The following PDE1C variants were observed in gnomAD, a reference collection of about 807,000 sequenced individuals.
The protein encoded by PDE1C is phosphodiesterase 1C.
PDE1C carries 62 observed loss-of-function variants against 93.1 expected under a neutral mutation model. The ratio of observed to expected loss-of-function variants is 0.67; its 90% CI spans 0.54 to 0.82. The LOEUF (loss-of-function observed/expected upper bound fraction) is 0.82. PDE1C is among the 40% of genes least tolerant of loss of function. The probability of loss-of-function intolerance (pLI) is 0.00; values close to 1 mark genes in which losing one functional copy is unlikely to be tolerated. For missense variants in PDE1C, 742 were observed against 884.6 expected, an observed-to-expected ratio of 0.84 and a Z score of 2.04; for synonymous variants, 325 against 310.1, an observed-to-expected ratio of 1.05 and a Z score of -0.50.
chr7:32,096,911 G>T (rs1277353154), intron 3 of PDE1C, among the ~76,000 whole-genome samples: 3 of 152,050 alleles, frequency 2.0e-5, no homozygotes, highest in African/African-American at 4.8e-5. Context: ...TAACAAATTG[G>T]TTCAAAGATT....
the PDE1C span, among the ~76,000 whole-genome samples, chr7:31,712,293 A>AATGAATGC: frequency 1.6e-3 from 241 of 152,282 alleles, no homozygotes; most frequent in African/African-American, 5.6e-3. Context: ...TGAGTGAATG[A>AATGAATGC]ATGAATGAAT....
At chr7:31,805,826 C>T (rs907771597) in intron 16 of PDE1C, among the ~76,000 whole-genome samples, 5 of 151,898 alleles carry the variant, frequency 3.3e-5, no homozygotes, top group African/African-American at 1.2e-4. Flanking sequence ...TCTATGCTGC[C>T]TGGAAGTCCT....
intron 17 of PDE1C, among the ~76,000 whole-genome samples, chr7:31,755,175 G>C (rs1173081595): frequency 3.3e-5 from 5 of 152,226 alleles, no homozygotes; most frequent in Admixed American, 2.6e-4. Flanking sequence ...TACGTAAACA[G>C]AGGGTGGATG....
intron 1 of PDE1C, among the ~76,000 whole-genome samples, chr7:32,308,035 C>T (rs1361733585): frequency 1.3e-5 from 2 of 152,340 alleles, no homozygotes; most frequent in East Asian, 1.9e-4. Flanking sequence ...CACCCTAATA[C>T]TGCACTTTTC....
intron 2 of PDE1C, among the ~76,000 whole-genome samples, chr7:31,972,205 T>G (rs1811057352): frequency 6.6e-6 from 1 of 152,216 alleles, no homozygotes; most frequent in South Asian, 2.1e-4. Flanking sequence ...TAACCATTCT[T>G]AAAAGGGAAT....
At chr7:32,368,381 T>C (rs904760112) in intron 1 of PDE1C, among the ~76,000 whole-genome samples, 3 of 151,654 alleles carry the variant, frequency 2.0e-5, no homozygotes, top group Non-Finnish European at 4.4e-5. Flanking sequence ...GAAAAAGAAA[T>C]CGAGAAGACG....
At chr7:32,250,868 A>G (rs533588149) in intron 1 of PDE1C, among the ~76,000 whole-genome samples, 1 of 152,338 alleles carries the variant, frequency 6.6e-6, no homozygotes, top group South Asian at 2.1e-4. Flanking sequence ...TTTGGCTGTA[A>G]CACACCGCAA....
At chr7:31,965,785 G>A (rs948915677) in intron 2 of PDE1C, among the ~76,000 whole-genome samples, 10 of 152,354 alleles carry the variant, frequency 6.6e-5, no homozygotes, top group African/African-American at 2.4e-4. Context: ...CAAGCCAGAA[G>A]AGAGTGGGGG....
At chr7:31,944,257 G>A (rs986887141) in intron 2 of PDE1C, among the ~76,000 whole-genome samples, 4 of 152,212 alleles carry the variant, frequency 2.6e-5, no homozygotes, top group South Asian at 2.1e-4. Context: ...GGTTACATTC[G>A]CACTAGAGCA....
At chr7:32,106,454 TAG>T (rs887035712) in intron 3 of PDE1C, among the ~76,000 whole-genome samples, 1 of 151,894 alleles carries the variant, frequency 6.6e-6, no homozygotes, top group African/African-American at 2.4e-5. Flanking sequence ...GAGACAGAGA[TAG>T]AGAGAAGTGG....
At chr7:32,283,352 T>G (rs1811797870) in intron 1 of PDE1C, among the ~76,000 whole-genome samples, 1 of 152,202 alleles carries the variant, frequency 6.6e-6, no homozygotes, top group Non-Finnish European at 1.5e-5. Context: ...TTTTTTTTGT[T>G]CAGGGAAGAT....
intron 1 of PDE1C, among the ~76,000 whole-genome samples, chr7:32,305,977 C>A (rs866983959): frequency 4.6e-5 from 7 of 152,188 alleles, no homozygotes; most frequent in East Asian, 1.9e-4. Flanking sequence ...GTGGAAGGAA[C>A]CTGGTGGGAG....
chr7:31,747,399 C>T (rs887446754), downstream of PDE1C, among the ~76,000 whole-genome samples: 1 of 152,096 alleles, frequency 6.6e-6, no homozygotes, highest in African/African-American at 2.4e-5. Flanking sequence ...TATTAAAGTG[C>T]CAGGAACCTG....
the PDE1C span, among the ~76,000 whole-genome samples, chr7:31,645,355 T>C: frequency 2.0e-5 from 3 of 152,340 alleles, no homozygotes; most frequent in African/African-American, 7.2e-5. Context: ...ATTTATCAGA[T>C]CATTTTTTAA....
intron 2 of PDE1C, among the ~76,000 whole-genome samples, chr7:31,920,487 TGA>T (rs542762567): frequency 2.0e-3 from 312 of 152,216 alleles, no homozygotes; most frequent in Non-Finnish European, 3.2e-3. Flanking sequence ...AGAACTCTCC[TGA>T]GATAGTAAAA....
chr7:32,354,677 G>A (rs565572851), intron 1 of PDE1C, among the ~76,000 whole-genome samples: 2 of 152,300 alleles, frequency 1.3e-5, no homozygotes, highest in East Asian at 1.9e-4. Flanking sequence ...CTGTCCCAGA[G>A]TTCTGCCTAG....
chr7:31,886,042 T>A (rs797021080), intron 2 of PDE1C, among the ~76,000 whole-genome samples: 4 of 152,316 alleles, frequency 2.6e-5, no homozygotes, highest in African/African-American at 9.6e-5. Context: ...AACCAACAAG[T>A]ACTGCTGTCT....
At chr7:32,190,434 A>G (rs1209437018) in intron 2 of PDE1C, among the ~76,000 whole-genome samples, 1 of 152,224 alleles carries the variant, frequency 6.6e-6, no homozygotes, top group Non-Finnish European at 1.5e-5. Flanking sequence ...TGCTTGGCAC[A>G]CTATTGAGTT....
the PDE1C span, among the ~76,000 whole-genome samples, chr7:31,734,161 C>T: frequency 2.0e-5 from 3 of 152,198 alleles, no homozygotes; most frequent in East Asian, 3.9e-4. Context: ...AGGAAGGCAC[C>T]GTATGGTGTG....
Sources: allele counts gnomAD v4.1 joint callset (sites outside exome capture counted in the v4.1 genomes callset), GRCh38; gene constraint gnomAD v4.1.1; transcripts MANE v1.5; gene names NCBI Gene and HGNC (gene_info 2026-07-23, HGNC 2026-07-21).